Variants in SCHIP1 observed in about 807,000 individuals in gnomAD.
SCHIP1 encodes schwannomin-interacting protein 1.
A neutral mutation model predicts 29.7 loss-of-function variants in SCHIP1; 8 were observed. The ratio of observed to expected loss-of-function variants is 0.27; its 90% CI spans 0.16 to 0.49. SCHIP1 has a LOEUF of 0.49. Ranked by LOEUF, SCHIP1 falls within the 20% of genes least tolerant of loss-of-function variation. The pLI is 0.99. For synonymous variants in SCHIP1, 76 were observed against 94.9 expected (o/e 0.80, Z 1.16); for missense variants, 193 against 294.6 (o/e 0.66, Z 2.52).
At chr3:159,840,816 A>G (rs1744149903) in intron 1 of SCHIP1, among the ~76,000 whole-genome samples, 1 of 152,206 alleles carries the variant, frequency 6.6e-6, no homozygotes, top group Non-Finnish European at 1.5e-5. Context: ...AAATAGAAAA[A>G]TCTTAGTAAT....
At chr3:159,752,151 C>CT in the SCHIP1 span, among the ~76,000 whole-genome samples, 1 of 152,044 alleles carries the variant, frequency 6.6e-6, no homozygotes, top group South Asian at 2.1e-4. Flanking sequence ...GAGGCCTCCC[C>CT]TTCTGTACAA....
the SCHIP1 span, among the ~76,000 whole-genome samples, chr3:159,734,424 G>A: frequency 1.3e-5 from 2 of 151,946 alleles, no homozygotes; most frequent in Admixed American, 6.6e-5. Flanking sequence ...ACAGGTATGA[G>A]CCACAGTGCC....
Position 159,866,040 on chromosome 3 carries a change from C to T in SCHIP1, c.31-123C>T, listed in dbSNP as rs191815951. On this transcript the variant is annotated intron_variant, in intron 1 of 6. Transcript: ENST00000445224. Reference sequence around the variant, plus strand: ...TTTAATAATTCAAATACTCTTATGCCGCAGCCTATTTATTTGTTTTTCATC... The same window carrying T: ...TTTAATAATTCAAATACTCTTATGCTGCAGCCTATTTATTTGTTTTTCATC... 3,183 of 817,964 alleles carry T rather than the reference C, an allele frequency of 3.9e-3. 15 individuals are homozygous for T. Among genetic ancestry groups the T allele is most frequent in the Non-Finnish European group, 4.3e-3 (2,165 of 505,956 alleles). 50.7% of individuals were successfully genotyped at this position (817,964 alleles called of 1,614,324 possible). A position where few individuals can be genotyped will look rare whatever the true frequency, so the allele number is the denominator to read the frequency against.
the SCHIP1 span, among the ~76,000 whole-genome samples, chr3:159,371,912 C>A: frequency 1.3e-5 from 2 of 152,064 alleles, no homozygotes; most frequent in African/African-American, 4.8e-5. Context: ...GGGTGCAGAA[C>A]CCACAGACAC....
the SCHIP1 span, among the ~76,000 whole-genome samples, chr3:159,411,070 AG>A: frequency 6.6e-6 from 1 of 152,126 alleles, no homozygotes; most frequent in East Asian, 1.9e-4. Flanking sequence ...GGGAAGTAAA[AG>A]TTAAAACAAT....
At chr3:159,276,835 C>T in the SCHIP1 span, among the ~76,000 whole-genome samples, 1 of 152,262 alleles carries the variant, frequency 6.6e-6, no homozygotes, top group South Asian at 2.1e-4. Context: ...TACTCTCCCC[C>T]ATAAGTAAAC....
At chr3:159,684,448 G>A in the SCHIP1 span, among the ~76,000 whole-genome samples, 966 of 152,206 alleles carry the variant, frequency 6.3e-3, 10 homozygotes, top group Admixed American at 0.024. Flanking sequence ...TCTTCTTTCA[G>A]TGGCATTAAC....
the SCHIP1 span, among the ~76,000 whole-genome samples, chr3:159,351,727 A>C: frequency 6.6e-6 from 1 of 152,176 alleles, no homozygotes; most frequent in African/African-American, 2.4e-5. Flanking sequence ...TTTATGGTAC[A>C]GTGAGTGCAC....
the SCHIP1 span, among the ~76,000 whole-genome samples, chr3:159,427,090 C>A: frequency 2.0e-5 from 3 of 152,162 alleles, no homozygotes; most frequent in Admixed American, 2.0e-4. Context: ...ACTGAATGGG[C>A]AAAAACTGGA....
At chr3:159,287,248 T>C in the SCHIP1 span, among the ~76,000 whole-genome samples, 7 of 151,930 alleles carry the variant, frequency 4.6e-5, no homozygotes, top group Non-Finnish European at 1.0e-4. Context: ...TTCTTATATA[T>C]AGTATAAGGA....
chr3:159,613,000 A>T, the SCHIP1 span, among the ~76,000 whole-genome samples: 2 of 152,224 alleles, frequency 1.3e-5, no homozygotes, highest in South Asian at 2.1e-4. Context: ...AGTCATTGTA[A>T]ATGGAAAGAG....
chr3:159,576,600 T>C, the SCHIP1 span, among the ~76,000 whole-genome samples: 3 of 152,224 alleles, frequency 2.0e-5, no homozygotes, highest in African/African-American at 7.2e-5. Context: ...TTCTCCATCT[T>C]ATATTTCCAT....
At chr3:159,740,831 T>G in the SCHIP1 span, among the ~76,000 whole-genome samples, 12 of 149,808 alleles carry the variant, frequency 8.0e-5, no homozygotes, top group African/African-American at 3.0e-4. Context: ...TCTTAGCTAT[T>G]AATTAGGTAT....
the SCHIP1 span, among the ~76,000 whole-genome samples, chr3:159,427,952 C>A: frequency 2.0e-5 from 3 of 151,572 alleles, no homozygotes; most frequent in African/African-American, 7.3e-5. Context: ...GGAAAGGATT[C>A]CCTATTTAAT....
At chr3:159,559,192 T>TA in the SCHIP1 span, among the ~76,000 whole-genome samples, 1 of 152,164 alleles carries the variant, frequency 6.6e-6, no homozygotes, top group Non-Finnish European at 1.5e-5. Flanking sequence ...TCTCAAGAGT[T>TA]AGAGACCCAA....
chr3:159,515,971 G>T, the SCHIP1 span, among the ~76,000 whole-genome samples: 1 of 149,940 alleles, frequency 6.7e-6, no homozygotes. Context: ...TACATAGCAA[G>T]CAAGGGGGAG....
chr3:159,464,673 C>G, the SCHIP1 span, among the ~76,000 whole-genome samples: 1 of 152,114 alleles, frequency 6.6e-6, no homozygotes, highest in Non-Finnish European at 1.5e-5. Flanking sequence ...GCCAGGGCCA[C>G]GTTAACACCA....
chr3:159,582,727 C>A, the SCHIP1 span, among the ~76,000 whole-genome samples: 1 of 150,688 alleles, frequency 6.6e-6, no homozygotes, highest in African/African-American at 2.4e-5. Flanking sequence ...GGTCTGGAAC[C>A]AAACTCAATA....
chr3:159,662,589 G>A, the SCHIP1 span, among the ~76,000 whole-genome samples: 7 of 152,134 alleles, frequency 4.6e-5, no homozygotes, highest in Admixed American at 2.6e-4. Context: ...GCTGTCTTCT[G>A]TGTGTATGCT....
Sources: allele counts gnomAD v4.1 joint callset (sites outside exome capture counted in the v4.1 genomes callset), GRCh38; gene constraint gnomAD v4.1.1; transcripts MANE v1.5; gene names NCBI Gene and HGNC (gene_info 2026-07-23, HGNC 2026-07-21).